The following PRKAG2 variants were observed in gnomAD, a reference collection of about 807,000 sequenced individuals.
The protein encoded by PRKAG2 is protein kinase AMP-activated non-catalytic subunit gamma 2, also known as 5'-AMP-activated protein kinase subunit gamma-2.
In PRKAG2, 26 loss-of-function variants were observed where a neutral mutation model predicts 69.6. The observed-to-expected ratio is 0.37, with a 90% CI of 0.27 to 0.52. The LOEUF (loss-of-function observed/expected upper bound fraction) is 0.52. Ranked by LOEUF, PRKAG2 falls within the 20% of genes least tolerant of loss-of-function variation. PRKAG2 has a pLI of 0.90. For missense variants in PRKAG2, 557 were observed against 740.0 expected (o/e 0.75, Z 2.87); for synonymous variants, 293 against 285.0 (o/e 1.03, Z -0.28).
intron 3 of PRKAG2, among the ~76,000 whole-genome samples, chr7:151,744,270 G>A (rs1252273320): frequency 2.0e-5 from 3 of 152,232 alleles, no homozygotes; most frequent in African/African-American, 7.2e-5. Context: ...CATCGGGGAA[G>A]TGCCAGGACA....
rs144951999 is a variant in PRKAG2, at chr7:151,769,753, C to T, written c.466+11399G>A. On this transcript the variant is annotated intron_variant, in intron 3 of 15. Transcript: ENST00000287878. ...TGCAGCCGCATCTGGGGAGGTGTGG[C>T]GGAAACACGAGGTGGGCAGGTGGCA... Among the ~76,000 whole-genome samples the T allele has an allele frequency of 1.7e-3, 265 of 152,252 alleles. 1 individual carries two copies. The highest frequency in any genetic ancestry group is 3.1e-3 in the Non-Finnish European group (212 of 68,016).
intron 1 of PRKAG2, among the ~76,000 whole-genome samples, chr7:151,839,944 A>C (rs2079236912): frequency 6.6e-6 from 1 of 152,142 alleles, no homozygotes; most frequent in Non-Finnish European, 1.5e-5. Flanking sequence ...CCTGTACCCC[A>C]GGGGTTCTTG....
In PRKAG2 at chr7:151,788,835, C is replaced by T. The variant is rs1236567244; in HGVS notation, c.115-2294G>A. Reference sequence around the variant, plus strand: ...TGTAAATTTTTGTATATGGTATAAACGTAAGGGTGCAATTTCATTCTTTTA... The same window carrying T: ...TGTAAATTTTTGTATATGGTATAAATGTAAGGGTGCAATTTCATTCTTTTA... On this transcript the variant is annotated intron_variant, in intron 1 of 15. Coordinates refer to ENST00000287878, the MANE Select transcript of PRKAG2 (RefSeq NM_016203.4). The surrounding 1 kb of genome is among the most constrained non-coding windows in gnomAD (Gnocchi z 4.6). Among the ~76,000 whole-genome samples the T allele has an allele frequency of 2.0e-5, 3 of 152,124 alleles. No individual in the cohort carries two copies. Among genetic ancestry groups the T allele is most frequent in the Non-Finnish European group, 2.9e-5 (2 of 68,026 alleles).
At chr7:151,636,581 G>T (rs1419610629) in intron 4 of PRKAG2, among the ~76,000 whole-genome samples, 1 of 152,112 alleles carries the variant, frequency 6.6e-6, no homozygotes, top group Non-Finnish European at 1.5e-5. Flanking sequence ...TCCACTTTTT[G>T]GCTGTGGTGA....
rs60190583 is a variant in PRKAG2, at chr7:151,802,574, CA to C, written c.115-16034del. Among the ~76,000 whole-genome samples, 279 of 152,328 alleles carry C rather than the reference CA, an allele frequency of 1.8e-3. 3 individuals are homozygous for C. Among genetic ancestry groups the C allele is most frequent in the Middle Eastern group, 6.8e-3 (2 of 294 alleles). ...CTCTTAGTCTGCACTGCCCTATTTT[CA>C]TGGCTTAAAGGGCAGAATCAAAAGA... On this transcript the variant is annotated intron_variant, in intron 1 of 15. Transcript: ENST00000287878.
chr7:151,631,969 G>C (rs1824572697), intron 5 of PRKAG2, 100 bp downstream of exon 5: 1 of 1,077,298 alleles, frequency 9.3e-7, no homozygotes, highest in Middle Eastern at 3.8e-4. Flanking sequence ...GCTCGCCGTG[G>C]GGCAGCGCCG....
At chr7:151,833,936 C>T (rs982807798) in intron 1 of PRKAG2, among the ~76,000 whole-genome samples, 1 of 152,236 alleles carries the variant, frequency 6.6e-6, no homozygotes, top group Non-Finnish European at 1.5e-5. Flanking sequence ...TCCACCTCAC[C>T]GTCCATCTCT....
chr7:151,724,829 C>G lies in PRKAG2; in HGVS notation c.467-49192G>C, dbSNP rs531285718. On this transcript the variant is annotated intron_variant, in intron 3 of 15. Transcript: ENST00000287878. ...AGTGACAGTGGAACAGAGGGTGGCACCGGCACCAGAAAGCACCCCCCGAGC... is the reference window on the plus strand; with the variant it reads ...AGTGACAGTGGAACAGAGGGTGGCAGCGGCACCAGAAAGCACCCCCCGAGC... Among the ~76,000 whole-genome samples the G allele has an allele frequency of 1.6e-4, 24 of 152,220 alleles. 2 individuals are homozygous for G. In the South Asian group the frequency reaches 4.2e-3, roughly 27 times the overall value.
chr7:151,744,764 C>G (rs58379609), intron 3 of PRKAG2, among the ~76,000 whole-genome samples: 3,709 of 152,210 alleles, frequency 0.024, 142 homozygotes, highest in African/African-American at 0.076. Flanking sequence ...CTGCTGAGGC[C>G]TGGGAGCACC....
chr7:151,839,287 G>A (rs2079221030), intron 1 of PRKAG2, among the ~76,000 whole-genome samples: 1 of 152,218 alleles, frequency 6.6e-6, no homozygotes, highest in South Asian at 2.1e-4. Flanking sequence ...AAAGTAGAAG[G>A]AGGAAGTCAA....
In PRKAG2 at chr7:151,836,829, T is replaced by G. The variant is rs776484876; in HGVS notation, c.114+39678A>C. On this transcript the variant is annotated intron_variant, in intron 1 of 15. Transcript: ENST00000287878. This position sits in a 1 kb window ranked among gnomAD's most constrained non-coding sequence, Gnocchi z 4.1. ...GTCCTGTGACAAATTCACTTAGGACTAAGAAGCCACTGAGAATATTCAGTT... is the reference window on the plus strand; with the variant it reads ...GTCCTGTGACAAATTCACTTAGGACGAAGAAGCCACTGAGAATATTCAGTT... Among the ~76,000 whole-genome samples, 2 of 152,180 alleles carry G rather than the reference T, an allele frequency of 1.3e-5. No homozygotes were observed. The highest frequency in any genetic ancestry group is 2.9e-5 in the Non-Finnish European group (2 of 68,036).
In PRKAG2 at chr7:151,632,551, C is replaced by T; in HGVS notation, c.685-413G>A. The T allele has an allele frequency of 2.0e-6, 2 of 983,894 alleles. No individual in the cohort carries two copies. The highest frequency in any genetic ancestry group is 2.4e-6 in the Non-Finnish European group (2 of 828,854). 60.9% of individuals were successfully genotyped at this position (983,894 alleles called of 1,614,324 possible). On this transcript the variant is annotated intron_variant, in intron 4 of 15. Transcript: ENST00000287878. The surrounding 1 kb of genome is among the most constrained non-coding windows in gnomAD (Gnocchi z 4.2). ...AGAGGCCCGCGGCCCGCCCCCACTC[C>T]GCCCCCCGGCGCCGCTCACCTTCCC...
intron 4 of PRKAG2, among the ~76,000 whole-genome samples, chr7:151,637,856 T>C (rs1439633285): frequency 6.6e-6 from 1 of 152,028 alleles, no homozygotes; most frequent in Non-Finnish European, 1.5e-5. Context: ...TCGTTGCCCT[T>C]TTATGGCAAT....
At position 151,568,849 on chromosome 7, in the gene PRKAG2, G is replaced by A. The variant is rs775881497; in HGVS notation, c.1107-7C>T. On this transcript the variant is annotated splice_polypyrimidine_tract_variant and splice_region_variant and intron_variant, in intron 10 of 15. Coordinates refer to ENST00000287878, the MANE Select transcript of PRKAG2 (RefSeq NM_016203.4). ...GTATACAGCATCGAAGAGGCTGTGG[G>A]AGAAGTCATTAAAGTTGTTAGGAGG... 2.2e-5 allele frequency: 35 copies of A among 1,613,416 alleles called. No homozygotes were observed. The East Asian group carries it at 7.6e-4, about 35-fold the overall frequency.
At chr7:151,763,320 G>A (rs1482143520) in intron 3 of PRKAG2, among the ~76,000 whole-genome samples, 1 of 152,218 alleles carries the variant, frequency 6.6e-6, no homozygotes, top group Non-Finnish European at 1.5e-5. Context: ...CAGCCATCCC[G>A]GCACAGAGTC....
At chr7:151,866,948 G>A (rs1563766816) in intron 1 of PRKAG2, among the ~76,000 whole-genome samples, 1 of 151,990 alleles carries the variant, frequency 6.6e-6, no homozygotes, top group Non-Finnish European at 1.5e-5. Context: ...AAGTGCTCTG[G>A]ACAGAGGGAG....
chr7:151,721,412 G>A (rs1057129712), intron 3 of PRKAG2, among the ~76,000 whole-genome samples: 1 of 118,848 alleles, frequency 8.4e-6, no homozygotes, highest in Non-Finnish European at 1.8e-5. Flanking sequence ...GGCCGGGGCC[G>A]AGGCCAGCAC....
rs527477932 is a variant in PRKAG2 at position 151,756,959 on chromosome 7, G to A, written c.466+24193C>T. Among the ~76,000 whole-genome samples the A allele has an allele frequency of 7.9e-5, 12 of 152,158 alleles. No individual in the cohort carries two copies. Among genetic ancestry groups the A allele is most frequent in the African/African-American group, 2.4e-4 (10 of 41,430 alleles). ...AGACGGGGTCAGCGCTGCGATTCGG[G>A]GGAGTAACCAGCGGTGAGCTTCAGG... On this transcript the variant is annotated intron_variant, in intron 3 of 15. Coordinates refer to ENST00000287878, the MANE Select transcript of PRKAG2 (RefSeq NM_016203.4). This position sits in a 1 kb window ranked among gnomAD's most constrained non-coding sequence, Gnocchi z 4.9.
chr7:151,763,457 G>T (rs1414939984), intron 3 of PRKAG2, among the ~76,000 whole-genome samples: 1 of 152,234 alleles, frequency 6.6e-6, no homozygotes, highest in Non-Finnish European at 1.5e-5. Flanking sequence ...GGAGCTCCTG[G>T]CTCTTGCACA....
Sources: gnomAD v4.1 joint callset for allele counts (sites outside exome capture counted in the v4.1 genomes callset) on GRCh38, gnomAD v4.1.1 for gene constraint, Gnocchi (gnomAD v3.1) non-coding constraint, MANE v1.5 for transcripts, NCBI Gene and HGNC (gene_info 2026-07-23, HGNC 2026-07-21) for gene names.